JPH2: variants seen among roughly 807,000 people sequenced by gnomAD.
JPH2 encodes junctophilin 2.
JPH2 carries 38 observed loss-of-function variants against 55.9 expected under a neutral mutation model. The ratio of observed to expected loss-of-function variants is 0.68; its 90% CI spans 0.52 to 0.89. JPH2 has a LOEUF of 0.89. JPH2 is among the 40% of genes least tolerant of loss of function. The pLI, the probability that JPH2 is intolerant of heterozygous loss-of-function variation, is 0.00. For missense variants in JPH2, 964 were observed against 1,037.6 expected (o/e 0.93, Z 0.97); for synonymous variants, 480 against 472.4 (o/e 1.02, Z -0.21).
At chr20:44,176,529 C>T (rs2072734757) in intron 1 of JPH2, among the ~76,000 whole-genome samples, 1 of 152,000 alleles carries the variant, frequency 6.6e-6, no homozygotes, top group South Asian at 2.1e-4. Flanking sequence ...AGGCCGGGCA[C>T]AGTGACTCAT....
chr20:44,135,315 G>T (rs77552882), intron 2 of JPH2, among the ~76,000 whole-genome samples: 3,320 of 152,096 alleles, frequency 0.022, 117 homozygotes, highest in African/African-American at 0.076. Flanking sequence ...CAACCTCTCT[G>T]GTCTGACTCC....
At chr20:44,126,567 G>A (rs1029539670) in intron 2 of JPH2, among the ~76,000 whole-genome samples, 1 of 152,168 alleles carries the variant, frequency 6.6e-6, no homozygotes, top group Admixed American at 6.5e-5. Flanking sequence ...TCTAGAGGAA[G>A]GACCACAGCT....
intron 3 of JPH2, among the ~76,000 whole-genome samples, chr20:44,117,975 C>T (rs1347135087): frequency 6.6e-6 from 1 of 152,230 alleles, no homozygotes; most frequent in East Asian, 1.9e-4. Flanking sequence ...AGAGGTTAAA[C>T]ACCTCACTCA....
Position 44,176,760 on chromosome 20 carries a change from C to T in JPH2, c.379+9567G>A, listed in dbSNP as rs571668623. 299 of 651,884 alleles carry T rather than the reference C, an allele frequency of 4.6e-4. 1 individual carries two copies. In the African/African-American group the frequency reaches 5.5e-3, roughly 12 times the overall value. 40.4% of individuals were successfully genotyped at this position (651,884 alleles called of 1,614,324 possible). ...AGTGAGCCGTGATTGTACCATTGCA[C>T]TCCAGCCTGGGTGACAGAGCAAGAC... On this transcript the variant is annotated intron_variant, in intron 1 of 5. Transcript: ENST00000372980.
chr20:44,140,710 C>T (rs1446574540), intron 2 of JPH2, among the ~76,000 whole-genome samples: 2 of 99,558 alleles, frequency 2.0e-5, no homozygotes, highest in Non-Finnish European at 4.5e-5. Context: ...TATGGAAACA[C>T]CTGGGAGATC....
rs372242491 is a variant in JPH2, at chr20:44,119,995, G to GTACA, written c.1170-1376_1170-1373dup. Among the ~76,000 whole-genome samples, 62 of 152,090 alleles carry GTACA rather than the reference G, an allele frequency of 4.1e-4. 4 individuals are homozygous for GTACA. In the East Asian group the frequency reaches 0.012, roughly 29 times the overall value. Reference sequence around the variant, plus strand: ...GAGGAAGGAACTCCAGCTGCAGCAGGTACAATCCATGCTCCAGAGCCCCCG... The same window carrying GTACA: ...GAGGAAGGAACTCCAGCTGCAGCAGGTACATACAATCCATGCTCCAGAGCCCCCG... On this transcript the variant is annotated intron_variant, in intron 2 of 5. Transcript: ENST00000372980.
chr20:44,167,826 A>G (rs2072668205), intron 1 of JPH2, among the ~76,000 whole-genome samples: 1 of 152,230 alleles, frequency 6.6e-6, no homozygotes, highest in African/African-American at 2.4e-5. Flanking sequence ...TGCATTTGAC[A>G]AGCTAGATGA....
intron 2 of JPH2, 146 bp from the exon 3 acceptor site, chr20:44,118,769 G>C: frequency 1.4e-6 from 1 of 709,614 alleles, no homozygotes; most frequent in Non-Finnish European, 2.5e-6. Flanking sequence ...TCATGGCCCA[G>C]ACTGCTATGC....
rs1028020172 is a variant in JPH2, at chr20:44,186,778, T to G, written c.-73A>C. ...AGGGCGTGGGTGATGCCTGCAACAC[T>G]CCTCCAGTGCCCTCGGGGGCAGGCC... is the stretch of plus-strand genomic sequence containing the variant. On this transcript the variant is annotated 5_prime_UTR_variant, in exon 1 of 6. Coordinates refer to ENST00000372980, the MANE Select transcript of JPH2 (RefSeq NM_020433.5). 2.1e-6 allele frequency: 3 copies of G among 1,448,106 alleles called. No individual in the cohort carries two copies. The highest frequency in any genetic ancestry group is 2.3e-5 in the East Asian group (1 of 44,070). The allele number at this position is 1,448,106 out of a possible 1,614,324, so 89.7% of individuals were successfully genotyped here.
intron 2 of JPH2, among the ~76,000 whole-genome samples, chr20:44,126,542 C>T (rs1036854615): frequency 6.6e-6 from 1 of 152,146 alleles, no homozygotes; most frequent in African/African-American, 2.4e-5. Flanking sequence ...CCCAGAACAA[C>T]CATGGTCAGG....
chr20:44,164,211 T>C (rs1311850262), intron 1 of JPH2, among the ~76,000 whole-genome samples: 1 of 151,998 alleles, frequency 6.6e-6, no homozygotes, highest in Non-Finnish European at 1.5e-5. Flanking sequence ...TGATGAAAAA[T>C]GGGAAGTTGG....
intron 4 of JPH2, among the ~76,000 whole-genome samples, chr20:44,115,399 T>C (rs986976786): frequency 6.6e-6 from 1 of 152,092 alleles, no homozygotes; most frequent in Non-Finnish European, 1.5e-5. Flanking sequence ...CAGCTGCCCC[T>C]GCTCATGAGA....
At chr20:44,173,882 C>T (rs1205840479) in intron 1 of JPH2, among the ~76,000 whole-genome samples, 1 of 152,200 alleles carries the variant, frequency 6.6e-6, no homozygotes, top group Non-Finnish European at 1.5e-5. Context: ...CACTGCACTC[C>T]AGCCTGGGCG....
intron 2 of JPH2, among the ~76,000 whole-genome samples, chr20:44,155,568 GTGTC>G (rs2072560012): frequency 6.6e-6 from 1 of 152,190 alleles, no homozygotes; most frequent in Non-Finnish European, 1.5e-5. Context: ...GCTGCACTGA[GTGTC>G]TGAATTCCAA....
intron 2 of JPH2, among the ~76,000 whole-genome samples, chr20:44,145,412 C>G (rs1246852818): frequency 6.6e-6 from 1 of 152,144 alleles, no homozygotes; most frequent in Non-Finnish European, 1.5e-5. Context: ...CAAGACCAGC[C>G]TGGCCAACAT....
At chr20:44,124,080 C>T (rs1206623899) in intron 2 of JPH2, among the ~76,000 whole-genome samples, 3 of 152,188 alleles carry the variant, frequency 2.0e-5, no homozygotes, top group African/African-American at 7.2e-5. Context: ...AACAGGGAGA[C>T]TCTTCTTGAT....
In JPH2 at chr20:44,137,822, A is replaced by G. The variant is rs1284882991; in HGVS notation, c.1170-19199T>C. ...GACTGGATTTTGAACAAGTCCTTCT[A>G]AATACTGGCTTTCCTTCTCTCTGAC... On this transcript the variant is annotated intron_variant, in intron 2 of 5. Coordinates refer to ENST00000372980, the MANE Select transcript of JPH2 (RefSeq NM_020433.5). Among the ~76,000 whole-genome samples, 3 of 152,076 alleles carry G rather than the reference A, an allele frequency of 2.0e-5. No individual in the cohort carries two copies. The East Asian group carries it at 5.8e-4, about 29-fold the overall frequency.
chr20:44,181,292 T>C (rs911927880), intron 1 of JPH2, among the ~76,000 whole-genome samples: 1 of 152,122 alleles, frequency 6.6e-6, no homozygotes, highest in Non-Finnish European at 1.5e-5. Flanking sequence ...GAAACACACT[T>C]TACATTGCAA....
chr20:44,163,841 C>T (rs1299440224), intron 1 of JPH2, among the ~76,000 whole-genome samples: 1 of 152,208 alleles, frequency 6.6e-6, no homozygotes, highest in Non-Finnish European at 1.5e-5. Flanking sequence ...CTTCCAGCCC[C>T]TCTGGACAGC....
Sources: gnomAD v4.1 joint callset for allele counts (sites outside exome capture counted in the v4.1 genomes callset) on GRCh38, gnomAD v4.1.1 for gene constraint, MANE v1.5 for transcripts, NCBI Gene and HGNC (gene_info 2026-07-23, HGNC 2026-07-21) for gene names.